RYR3: variants seen among roughly 807,000 people sequenced by gnomAD.
RYR3 encodes the protein brain ryanodine receptor-calcium release channel.
In RYR3, 207 loss-of-function variants were observed where a neutral mutation model predicts 584.3. The ratio of observed to expected loss-of-function variants is 0.35; its 90% confidence interval spans 0.32 to 0.40. RYR3 has a LOEUF of 0.40. RYR3 is among the 10% of genes least tolerant of loss of function. The pLI, the probability that RYR3 is intolerant of heterozygous loss-of-function variation, is 1.00. For missense variants in RYR3, 5,616 were observed against 6,089.2 expected, an observed-to-expected ratio of 0.92 and a Z score of 2.59; for synonymous variants, 2,416 against 2,248.5, an observed-to-expected ratio of 1.07 and a Z score of -2.11.
At position 33,399,594 on chromosome 15, in the gene RYR3, C is replaced by A. The variant is rs534564681; in HGVS notation, c.52-73825C>A. 5.9e-5 allele frequency among the ~76,000 whole-genome samples: 9 copies of A among 152,172 alleles called. No homozygotes were observed. The South Asian group carries it at 8.3e-4, about 14-fold the overall frequency. On this transcript the variant is annotated intron_variant, in intron 1 of 103. Coordinates refer to ENST00000634891, the MANE Select transcript of RYR3 (RefSeq NM_001036.6). ...CGGAGGTAGCAGTGAGCCGAGATAG[C>A]GCCACTGCACTCCAGCCTGGGCGAC... is the stretch of plus-strand genomic sequence containing the variant.
In RYR3 at chr15:33,465,377, G is replaced by A. The variant is rs557950422; in HGVS notation, c.52-8042G>A. On this transcript the variant is annotated intron_variant, in intron 1 of 103. Transcript: ENST00000634891. Reference sequence around the variant, plus strand: ...TTGAAAACCCACCTTGCTGTTTTCCGTAACTTCTGTACCAATTTCCAGTCC... The same window carrying A: ...TTGAAAACCCACCTTGCTGTTTTCCATAACTTCTGTACCAATTTCCAGTCC... 1.4e-4 allele frequency among the ~76,000 whole-genome samples: 21 copies of A among 152,078 alleles called. No individual in the cohort carries two copies. The South Asian group carries it at 1.5e-3, about 11-fold the overall frequency.
intron 4 of RYR3, among the ~76,000 whole-genome samples, chr15:33,532,720 G>C (rs2054988504): frequency 6.6e-6 from 1 of 152,004 alleles, no homozygotes. Context: ...CATCTTTAAG[G>C]CATCTTTAAT....
intron 1 of RYR3, among the ~76,000 whole-genome samples, chr15:33,313,199 T>C (rs778558934): frequency 2.0e-5 from 3 of 152,222 alleles, no homozygotes; most frequent in Non-Finnish European, 4.4e-5. Context: ...CTTAACATCT[T>C]TGTTTTTAGC....
At chr15:33,370,546 T>G (rs897408534) in intron 1 of RYR3, among the ~76,000 whole-genome samples, 1 of 152,174 alleles carries the variant, frequency 6.6e-6, no homozygotes, top group Admixed American at 6.5e-5. Context: ...TCATCTTTCA[T>G]GTAGGTAATC....
chr15:33,644,395 C>T lies in RYR3; in HGVS notation c.3641C>T (p.Thr1214Ile). 1.1e-5 allele frequency: 18 copies of T among 1,613,482 alleles called. No homozygotes were observed. The highest frequency in any genetic ancestry group is 1.5e-5 in the Non-Finnish European group (18 of 1,179,666). Reference protein sequence around the residue: ...GTDASTFKFYTMCGLQEGFEP... With the variant: ...GTDASTFKFYIMCGLQEGFEP... ...GATGCCAGTACCTTCAAGTTTTATA[C>T]CATGTGCGGTCTCCAAGAGGGCTTT... The change falls in exon 28 of 104, where the codon ACC becomes ATC. Residue 1214 changes from threonine to isoleucine, a missense_variant. Physicochemically the swap from Thr to Ile is moderately conservative, Grantham distance 89 (BLOSUM62 -1). Around this residue, in one of 9 missense-constraint regions of RYR3, gnomAD observed 152 missense variants for 200.9 expected, o/e 0.76. Transcript: ENST00000634891.
Position 33,575,824 on chromosome 15 carries a change from G to A in RYR3, c.1269-4152G>A, listed in dbSNP as rs969309925. ...CCCTTCAGAGCATCAACAAATACAGGAGCTGGTTTTAAAAAAAAAAAATTA... is the reference window on the plus strand; with the variant it reads ...CCCTTCAGAGCATCAACAAATACAGAAGCTGGTTTTAAAAAAAAAAAATTA... On this transcript the variant is annotated intron_variant, in intron 12 of 103. Coordinates refer to ENST00000634891, the MANE Select transcript of RYR3 (RefSeq NM_001036.6). Among the ~76,000 whole-genome samples, 34 of 74,046 alleles carry A rather than the reference G, an allele frequency of 4.6e-4. 1 individual carries two copies. The Admixed American group carries it at 5.9e-3, about 13-fold the overall frequency. The allele number at this position is 74,046 out of a possible 152,430, so 48.6% of individuals were successfully genotyped here. A position where few individuals can be genotyped will look rare whatever the true frequency, so the allele number is the denominator to read the frequency against.
chr15:33,574,973 A>T (rs1595668605), intron 12 of RYR3, among the ~76,000 whole-genome samples: 1 of 152,234 alleles, frequency 6.6e-6, no homozygotes, highest in South Asian at 2.1e-4. Flanking sequence ...AGCAGGGGTT[A>T]TAATCTTAGT....
intron 1 of RYR3, among the ~76,000 whole-genome samples, chr15:33,462,534 C>T (rs539896967): frequency 1.9e-4 from 29 of 152,174 alleles, no homozygotes; most frequent in African/African-American, 6.7e-4. Context: ...GATGGGTTGT[C>T]GTTGGTCAGT....
chr15:33,795,232 C>T (rs961032013), intron 67 of RYR3, among the ~76,000 whole-genome samples: 14 of 152,158 alleles, frequency 9.2e-5, no homozygotes, highest in African/African-American at 3.1e-4. Context: ...TTCTGAAGAG[C>T]GGCTTCTGTT....
At chr15:33,425,259 G>A (rs2044522405) in intron 1 of RYR3, among the ~76,000 whole-genome samples, 1 of 152,222 alleles carries the variant, frequency 6.6e-6, no homozygotes, top group African/African-American at 2.4e-5. Flanking sequence ...GGCTTTTCAA[G>A]ATAAATGTTC....
At position 33,694,251 on chromosome 15, in the gene RYR3, T is replaced by G. The variant is rs547301127; in HGVS notation, c.5861-1967T>G. ...ACAAATCTATTATTACTAGTTTTTG[T>G]TTTTTTTTTTTCAAGACGGAGTCTT... On this transcript the variant is annotated intron_variant, in intron 38 of 103. Transcript: ENST00000634891. 2.3e-3 allele frequency among the ~76,000 whole-genome samples: 340 copies of G among 145,464 alleles called. 2 individuals are homozygous for G. The highest frequency in any genetic ancestry group is 7.8e-3 in the African/African-American group (309 of 39,698).
chr15:33,665,118 C>T (rs1220191508), intron 36 of RYR3, among the ~76,000 whole-genome samples: 1 of 152,168 alleles, frequency 6.6e-6, no homozygotes, highest in Non-Finnish European at 1.5e-5. Context: ...AATAGATCTG[C>T]ATATTCCCTA....
At chr15:33,427,541 G>A (rs79676981) in intron 1 of RYR3, among the ~76,000 whole-genome samples, 1 of 152,202 alleles carries the variant, frequency 6.6e-6, no homozygotes, top group Non-Finnish European at 1.5e-5. Flanking sequence ...GCAGGTTTAT[G>A]ACTAGTATTC....
intron 60 of RYR3, among the ~76,000 whole-genome samples, chr15:33,761,998 T>A (rs767181859): frequency 9.2e-5 from 14 of 152,182 alleles, no homozygotes; most frequent in Non-Finnish European, 1.3e-4. Flanking sequence ...ACAGAACCAA[T>A]GACAAAAACC....
At chr15:33,767,740 C>G (rs1400100228) in intron 60 of RYR3, among the ~76,000 whole-genome samples, 1 of 152,138 alleles carries the variant, frequency 6.6e-6, no homozygotes, top group Non-Finnish European at 1.5e-5. Context: ...TCTTTCTATT[C>G]CACTGCTTTC....
chr15:33,557,532 G>C (rs529724877), intron 10 of RYR3, among the ~76,000 whole-genome samples: 1 of 152,144 alleles, frequency 6.6e-6, no homozygotes, highest in South Asian at 2.1e-4. Flanking sequence ...TTACAGGCAC[G>C]TACCAACGCA....
At chr15:33,551,733 T>G (rs1443740935) in intron 10 of RYR3, among the ~76,000 whole-genome samples, 2 of 149,200 alleles carry the variant, frequency 1.3e-5, no homozygotes, top group African/African-American at 2.6e-5. Context: ...TGAGCATATC[T>G]TCCTCACTTT....
chr15:33,547,022 G>A (rs1415420152), intron 8 of RYR3, among the ~76,000 whole-genome samples: 1 of 152,174 alleles, frequency 6.6e-6, no homozygotes, highest in Non-Finnish European at 1.5e-5. Flanking sequence ...GCTGGATTCA[G>A]TATACCAGGT....
At chr15:33,521,906 G>T (rs1207023737) in intron 3 of RYR3, among the ~76,000 whole-genome samples, 1 of 152,120 alleles carries the variant, frequency 6.6e-6, no homozygotes, top group Non-Finnish European at 1.5e-5. Flanking sequence ...GAATTTGGGG[G>T]AAGTAGTACT....
Sources: gnomAD v4.1 joint callset for allele counts (sites outside exome capture counted in the v4.1 genomes callset) on GRCh38, gnomAD v4.1.1 for gene constraint, gnomAD v4.1.1 regional missense constraint, MANE v1.5 for transcripts, NCBI Gene and HGNC (gene_info 2026-07-23, HGNC 2026-07-21) for gene names.